GLS2: variants seen among roughly 807,000 people sequenced by gnomAD.
The protein encoded by GLS2 is glutaminase liver isoform, mitochondrial.
In GLS2, 52 loss-of-function variants were observed where a neutral mutation model predicts 79.0. That is an observed-to-expected ratio of 0.66 (90% CI 0.53 to 0.83). The LOEUF (loss-of-function observed/expected upper bound fraction) is 0.83. GLS2 is among the 40% of genes least tolerant of loss of function. The pLI, the probability that GLS2 is intolerant of heterozygous loss-of-function variation, is 0.00. For missense variants in GLS2, 561 were observed against 764.8 expected (o/e 0.73, Z 3.14); for synonymous variants, 238 against 280.8 (o/e 0.85, Z 1.52).
chr12:56,479,797 G>A lies in GLS2; in HGVS notation c.387C>T (p.Asp129=). The A allele has an allele frequency of 6.2e-7, 1 of 1,606,068 alleles. No homozygotes were observed. Among genetic ancestry groups the A allele is most frequent in the Admixed American group, 1.7e-5 (1 of 59,620 alleles). ...VQESSSGGLL[D]RDLFRKCVSS... ...GCCCTCACTTTCGGAAGAGATCTCG[G>A]TCCAAGAGGCCACCACTACTGGACT... Residue 129 remains aspartate, a synonymous_variant, in exon 3 of 18, where the codon GAC becomes GAT. Transcript: ENST00000311966.
In GLS2 at chr12:56,471,554, A is replaced by T. The variant is rs2657879; in HGVS notation, c.1742T>A (p.Leu581His). ...LLQDYQDSYT[L>H]SETQAEAAAE... is the part of the protein sequence containing the mutation. ...TGCTGCCTCAGCCTGAGTTTCAGAG[A>T]GTGTGTAGGAGTCCTGGTAATCTTG... The change falls in exon 18 of 18, where the codon CTC (leucine) becomes CAC (histidine). Residue 581 changes from leucine to histidine, a missense_variant. Physicochemically the swap from Leu to His is moderately conservative, Grantham distance 99. Transcript: ENST00000311966. The T allele has an allele frequency of 1.2e-6, 2 of 1,613,808 alleles. No individual in the cohort carries two copies. Among genetic ancestry groups the T allele is most frequent in the Non-Finnish European group, 1.7e-6 (2 of 1,179,942 alleles).
Position 56,475,937 on chromosome 12 carries a change from GA to G in GLS2, c.870+7del. The G allele has an allele frequency of 6.2e-7, 1 of 1,613,760 alleles. No homozygotes were observed. ...TGCAGCCAGGGGCTAAGTAGCAAGGGAACTTACAAAATCAAACTTCTCTGCT... is the reference window on the plus strand; with the variant it reads ...TGCAGCCAGGGGCTAAGTAGCAAGGGACTTACAAAATCAAACTTCTCTGCT... On this transcript the variant is annotated splice_region_variant and intron_variant, in intron 8 of 17. Transcript: ENST00000311966.
intron 1 of GLS2, among the ~76,000 whole-genome samples, chr12:56,485,578 T>A (rs530560819): frequency 1.3e-5 from 2 of 152,254 alleles, no homozygotes; most frequent in East Asian, 3.9e-4. Flanking sequence ...AATTTATATA[T>A]TTTTTAATTG....
rs781271836 is a variant in GLS2 at position 56,471,836 on chromosome 12, C to T, written c.1589G>A (p.Gly530Glu). The change falls in exon 17 of 18, where the codon GGA (glycine) becomes GAA (glutamate). Residue 530 changes from glycine to glutamate, a missense_variant and splice_region_variant. Gly to Glu is a moderately conservative substitution (Grantham distance 98). Transcript: ENST00000311966. Reference protein sequence around the residue: ...RTALHVAAAEGHIEVVKFLIE... With the variant: ...RTALHVAAAEEHIEVVKFLIE... ...CAGGAATTTAACAACTTCGATGTGT[C>T]CTAGGAATATGGGCAGAAGGAAAAT... The T allele has an allele frequency of 8.7e-6, 14 of 1,613,700 alleles. No homozygotes were observed. In the East Asian group the frequency reaches 2.9e-4, roughly 33 times the overall value.
At chr12:56,486,311 T>G (rs374518535) in intron 1 of GLS2, among the ~76,000 whole-genome samples, 47 of 152,252 alleles carry the variant, frequency 3.1e-4, no homozygotes, top group African/African-American at 1.1e-3. Flanking sequence ...GGTGTGTGTG[T>G]GGGGAACCAG....
intron 1 of GLS2, among the ~76,000 whole-genome samples, chr12:56,485,104 T>A (rs1870578365): frequency 6.6e-6 from 1 of 152,178 alleles, no homozygotes; most frequent in Non-Finnish European, 1.5e-5. Flanking sequence ...TTAAAAGCTG[T>A]TCATAAATGA....
At chr12:56,484,645 T>C (rs2136195831) in intron 1 of GLS2, among the ~76,000 whole-genome samples, 1 of 152,284 alleles carries the variant, frequency 6.6e-6, no homozygotes, top group East Asian at 1.9e-4. Flanking sequence ...AAGGCAGGAC[T>C]CTGCCTGGAA....
rs760901469 is a variant in GLS2, at chr12:56,478,233, C to G, written c.564G>C (p.Lys188Asn). 1 of 1,614,222 alleles carries G rather than the reference C, an allele frequency of 6.2e-7. No homozygotes were observed. The highest frequency in any genetic ancestry group is 1.7e-5 in the Admixed American group (1 of 60,020). ...KVAAYIPQLA[K>N]SNPDLWGVSL... is the part of the protein sequence containing the mutation. ...AGACACCCCACAGGTCTGGGTTTGA[C>G]TTGGCCAGCTGAGGGATGTAGGCTG... Residue 188 changes from lysine to asparagine, a missense_variant, in exon 5 of 18, where the codon AAG becomes AAC. Lys to Asn is a moderately conservative substitution (Grantham distance 94). Transcript: ENST00000311966.
intron 3 of GLS2, 124 bp downstream of exon 3, chr12:56,479,656 G>A (rs145836670): frequency 6.4e-6 from 7 of 1,092,634 alleles, no homozygotes; most frequent in African/African-American, 1.6e-5. Flanking sequence ...TATAACTTAT[G>A]TAATAAGTAA....
In GLS2 at chr12:56,474,910, AG is replaced by A; in HGVS notation, c.997-15del. The A allele has an allele frequency of 6.2e-7, 1 of 1,614,130 alleles. No homozygotes were observed. Among genetic ancestry groups the A allele is most frequent in the South Asian group, 1.1e-5 (1 of 91,082 alleles). On this transcript the variant is annotated splice_polypyrimidine_tract_variant and intron_variant, in intron 10 of 17. Transcript: ENST00000311966. ...CTTAGGAAAGCACTGCAAGGAAGAG[AG>A]GGGAGAGCATTTCTCTTCAGGACAT...
Position 56,475,158 on chromosome 12 carries a change from T to C in GLS2, c.930-48A>G, listed in dbSNP as rs770263544. The C allele has an allele frequency of 1.4e-5, 22 of 1,611,964 alleles. No individual in the cohort carries two copies. In the African/African-American group the frequency reaches 1.9e-4, roughly 14 times the overall value. ...TACTTGAAGTTGGAGGAGTGGGTGT[T>C]GGGAGAAGGGGAAAAATTACCTTCC... On this transcript the variant is annotated intron_variant, in intron 9 of 17. Transcript: ENST00000311966.
chr12:56,475,292 T>G lies in GLS2; in HGVS notation c.930-182A>C, dbSNP rs1592275330. 6 of 1,473,734 alleles carry G rather than the reference T, an allele frequency of 4.1e-6. No individual in the cohort carries two copies. In the East Asian group the frequency reaches 1.5e-4, roughly 36 times the overall value. The allele number at this position is 1,473,734 out of a possible 1,614,324, so 91.3% of individuals were successfully genotyped here. A position where few individuals can be genotyped will look rare whatever the true frequency, so the allele number is the denominator to read the frequency against. On this transcript the variant is annotated intron_variant, in intron 9 of 17. Coordinates refer to ENST00000311966, the MANE Select transcript of GLS2 (RefSeq NM_013267.4). ...ACCTGAGCAAACACTCAGCATAGTT[T>G]TGTTATAAAGTAAACCCAAACCAAA... is the stretch of plus-strand genomic sequence containing the variant.
At chr12:56,483,303 A>ACTC (rs1308520278) in intron 1 of GLS2, among the ~76,000 whole-genome samples, 3 of 149,754 alleles carry the variant, frequency 2.0e-5, no homozygotes, top group Non-Finnish European at 4.4e-5. Flanking sequence ...CTGGTCTCGA[A>ACTC]CTCCTGACCT....
In GLS2 at chr12:56,479,844, C is replaced by T. The variant is rs549150288; in HGVS notation, c.340G>A (p.Glu114Lys). Residue 114 changes from glutamate (E) to lysine (K), a missense_variant, in exon 3 of 18, where the codon GAG becomes AAG. Glu to Lys is a moderately conservative substitution (Grantham distance 56). Transcript: ENST00000311966. ...SDPRLRDCMSEMHRVVQESSS... is the reference protein window; with the variant it reads ...SDPRLRDCMSKMHRVVQESSS... Reference sequence around the variant, plus strand: ...GACTCTTGGACCACGCGGTGCATCTCGCTCATGCAGTCTCGGAGCCGAGGA... The same window carrying T: ...GACTCTTGGACCACGCGGTGCATCTTGCTCATGCAGTCTCGGAGCCGAGGA... 10 of 1,612,416 alleles carry T rather than the reference C, an allele frequency of 6.2e-6. No individual in the cohort carries two copies. The highest frequency in any genetic ancestry group is 1.1e-5 in the South Asian group (1 of 91,002).
chr12:56,478,542 G>C, intron 4 of GLS2: 1 of 437,758 alleles, frequency 2.3e-6, no homozygotes, highest in Non-Finnish European at 4.2e-6. Context: ...CTTAGGCTCA[G>C]TTACCCTATA....
rs1175673544 is a variant in GLS2, at chr12:56,474,881, C to A, written c.1012G>T (p.Val338Leu). The change falls in exon 11 of 18, where the codon GTG becomes TTG. Residue 338 changes from valine to leucine, a missense_variant. This residue lies in a region of GLS2 where 221 missense variants were observed against 275.6 expected (regional missense o/e 0.80). Transcript: ENST00000311966. ...AGATCAAGGGCAGCCATCATGTCCA[C>A]CCCCTTAGGAAAGCACTGCAAGGAA... is the stretch of plus-strand genomic sequence containing the variant. ...LKEKKCFPKGVDMMAALDLYF... is the reference protein window; with the variant it reads ...LKEKKCFPKGLDMMAALDLYF... 1 of 1,614,136 alleles carries A rather than the reference C, an allele frequency of 6.2e-7. No individual in the cohort carries two copies. The highest frequency in any genetic ancestry group is 1.7e-5 in the Admixed American group (1 of 60,024).
rs762455765 is a variant in GLS2, at chr12:56,474,639, C to T, written c.1129G>A (p.Gly377Ser). Residue 377 changes from glycine to serine, a missense_variant, in exon 12 of 18, where the codon GGC becomes AGC. Transcript: ENST00000311966. The part of the protein sequence containing the change: ...LANGGICPIT[G>S]ESVLSAEAVR... ...GCTTCAGCACTCAGCACACTCTCGC[C>T]TGTGATGGGGCAGATCCCACCGTTG... 1.2e-6 allele frequency: 2 copies of T among 1,614,166 alleles called. No individual in the cohort carries two copies. Among genetic ancestry groups the T allele is most frequent in the East Asian group, 4.5e-5 (2 of 44,888 alleles).
At chr12:56,483,292 G>C (rs1214532864) in intron 1 of GLS2, among the ~76,000 whole-genome samples, 1 of 151,454 alleles carries the variant, frequency 6.6e-6, no homozygotes, top group Non-Finnish European at 1.5e-5. Context: ...TGTTGGCCAG[G>C]CTGGTCTCGA....
At chr12:56,479,275 G>A in intron 3 of GLS2, 94 bp from the exon 4 acceptor site, 2 of 1,494,390 alleles carry the variant, frequency 1.3e-6, no homozygotes, top group East Asian at 2.4e-5. Flanking sequence ...AAGGTTGAGT[G>A]GTCTTCAGGT....
Sources: gnomAD v4.1 joint callset for allele counts (sites outside exome capture counted in the v4.1 genomes callset) on GRCh38, gnomAD v4.1.1 for gene constraint, gnomAD v4.1.1 regional missense constraint, MANE v1.5 for transcripts, NCBI Gene and HGNC (gene_info 2026-07-23, HGNC 2026-07-21) for gene names.